Variants in CLASP1 observed in about 807,000 individuals in gnomAD.
CLASP1 encodes cytoplasmic linker associated protein 1, also known as CLIP-associating protein 1.
CLASP1 carries 38 observed loss-of-function variants against 192.3 expected under a neutral mutation model. The observed-to-expected ratio is 0.20, with a 90% CI of 0.15 to 0.26. The LOEUF (loss-of-function observed/expected upper bound fraction) is 0.26, where lower values mean the gene tolerates loss of function less well. Ranked by LOEUF, CLASP1 falls within the 10% of genes least tolerant of loss-of-function variation. The probability of loss-of-function intolerance (pLI) is 1.00; values close to 1 mark genes in which losing one functional copy is unlikely to be tolerated. For missense variants in CLASP1, 1,433 were observed against 1,932.5 expected (o/e 0.74, Z 4.85); for synonymous variants, 691 against 712.8 (o/e 0.97, Z 0.49).
At chr2:121,453,245 T>C (rs2085914800) in intron 14 of CLASP1, among the ~76,000 whole-genome samples, 1 of 152,094 alleles carries the variant, frequency 6.6e-6, no homozygotes, top group Admixed American at 6.5e-5. Context: ...CAATGAACTA[T>C]GATTGCACCA....
intron 2 of CLASP1, chr2:121,531,084 C>T (rs537888709): frequency 1.5e-5 from 10 of 671,230 alleles, no homozygotes; most frequent in African/African-American, 3.5e-5. Context: ...GTGGTTAAAC[C>T]AGTAGAGGGT....
intron 18 of CLASP1, 92 bp downstream of exon 18, chr2:121,448,184 C>T (rs2084728504): frequency 1.3e-5 from 14 of 1,061,646 alleles, no homozygotes; most frequent in East Asian, 7.1e-5. Context: ...GAGGGCAGGC[C>T]GTTGGCCTCC....
At chr2:121,628,061 C>T (rs2068717456) in intron 1 of CLASP1, among the ~76,000 whole-genome samples, 1 of 152,096 alleles carries the variant, frequency 6.6e-6, no homozygotes, top group African/African-American at 2.4e-5. Context: ...TAAGTTTATA[C>T]CTAACAAAAA....
intron 25 of CLASP1, 57 bp from the exon 27 acceptor site, chr2:121,404,491 G>C: frequency 2.8e-6 from 4 of 1,440,442 alleles, no homozygotes; most frequent in Non-Finnish European, 3.8e-6. Flanking sequence ...TTTTGAGACA[G>C]GGTCTCACTC....
intron 8 of CLASP1, among the ~76,000 whole-genome samples, chr2:121,482,973 T>C (rs2092704881): frequency 6.6e-6 from 1 of 152,178 alleles, no homozygotes; most frequent in South Asian, 2.1e-4. Flanking sequence ...CTTGCTAGGT[T>C]CGCAGAGCTG....
chr2:121,389,301 T>C (rs1216031215), intron 30 of CLASP1, among the ~76,000 whole-genome samples: 1 of 152,210 alleles, frequency 6.6e-6, no homozygotes, highest in Non-Finnish European at 1.5e-5. Flanking sequence ...TTATTATTAC[T>C]TGTACTAAAA....
At chr2:121,426,225 T>C (rs924400048) in intron 21 of CLASP1, among the ~76,000 whole-genome samples, 18 of 151,928 alleles carry the variant, frequency 1.2e-4, no homozygotes, top group African/African-American at 4.4e-4. Flanking sequence ...TTTTTAAAAG[T>C]CAAACAATAC....
chr2:121,358,507 A>G (rs1289328511), intron 37 of CLASP1, among the ~76,000 whole-genome samples: 2 of 152,154 alleles, frequency 1.3e-5, no homozygotes, highest in Non-Finnish European at 2.9e-5. Context: ...GAGGTCAGCT[A>G]GTGATTCTAA....
chr2:121,449,759 TATA>T (rs1256643431), intron 16 of CLASP1, among the ~76,000 whole-genome samples: 1 of 152,188 alleles, frequency 6.6e-6, no homozygotes, highest in African/African-American at 2.4e-5. Context: ...ACTTCATAGT[TATA>T]ATAAGCTCAG....
intron 1 of CLASP1, among the ~76,000 whole-genome samples, chr2:121,643,420 A>G (rs1373548828): frequency 1.3e-5 from 2 of 152,204 alleles, no homozygotes; most frequent in Non-Finnish European, 2.9e-5. Context: ...GCTGAGAGAC[A>G]GAAGGCCCAG....
chr2:121,466,922 G>A (rs2089700770), intron 9 of CLASP1, among the ~76,000 whole-genome samples: 1 of 152,140 alleles, frequency 6.6e-6, no homozygotes, highest in Admixed American at 6.5e-5. Context: ...CATCACCTAG[G>A]TATTAAGACC....
In CLASP1 at chr2:121,425,195, T is replaced by C. The variant is rs758471563; in HGVS notation, c.2156A>G (p.Lys719Arg). ...GCTACATCCCTGGCTCCTGGGAATCTTGCTTCGCTTTTCTGAAGACGGTGT... is the reference window on the plus strand; with the variant it reads ...GCTACATCCCTGGCTCCTGGGAATCCTGCTTCGCTTTTCTGAAGACGGTGT... Residue 719 changes from lysine to arginine, a missense_variant, in exon 22 of 40, where the codon AAG (lysine) becomes AGG (arginine). Physicochemically the swap from Lys to Arg is conservative, Grantham distance 26. Transcript: ENST00000263710. 5.0e-6 allele frequency: 8 copies of C among 1,613,338 alleles called. No homozygotes were observed. The South Asian group carries it at 7.7e-5, about 16-fold the overall frequency.
chr2:121,404,127 T>G (rs1347765855), intron 26 of CLASP1, among the ~76,000 whole-genome samples: 2 of 152,214 alleles, frequency 1.3e-5, no homozygotes, highest in African/African-American at 4.8e-5. Flanking sequence ...AGAAAGACCA[T>G]CTGATTCTCT....
chr2:121,427,343 G>T, intron 21 of CLASP1, 61 bp downstream of exon 21: 8 of 1,573,764 alleles, frequency 5.1e-6, no homozygotes, highest in African/African-American at 1.4e-5. Flanking sequence ...AAGGAACATG[G>T]GGTCGGGGAG....
chr2:121,605,706 A>G, exon 2 of CLASP1: 1 of 1,613,622 alleles, frequency 6.2e-7, no homozygotes, highest in Non-Finnish European at 8.5e-7. Flanking sequence ...CTTACCTTGT[A>G]ATTGCTAGAG....
intron 34 of CLASP1, among the ~76,000 whole-genome samples, chr2:121,373,386 G>A (rs1400693673): frequency 1.3e-5 from 2 of 152,142 alleles, no homozygotes; most frequent in African/African-American, 2.4e-5. Flanking sequence ...CCCAGTCTCA[G>A]GTAGTTCTTT....
chr2:121,620,977 C>T (rs778348868), intron 1 of CLASP1, among the ~76,000 whole-genome samples: 5 of 152,058 alleles, frequency 3.3e-5, no homozygotes, highest in African/African-American at 4.8e-5. Context: ...CCTGTAATCC[C>T]GGCAGCTTTG....
At chr2:121,603,409 A>C (rs1576390172) in intron 2 of CLASP1, among the ~76,000 whole-genome samples, 1 of 152,212 alleles carries the variant, frequency 6.6e-6, no homozygotes, top group Non-Finnish European at 1.5e-5. Flanking sequence ...GCTATTATCA[A>C]AAAGACAAAA....
At chr2:121,639,869 A>C (rs1442310261) in intron 1 of CLASP1, among the ~76,000 whole-genome samples, 2 of 151,742 alleles carry the variant, frequency 1.3e-5, no homozygotes, top group Non-Finnish European at 2.9e-5. Flanking sequence ...ATCTCAAAAA[A>C]AAAAAAAAAA....
Sources: allele counts gnomAD v4.1 joint callset (sites outside exome capture counted in the v4.1 genomes callset), GRCh38; gene constraint gnomAD v4.1.1; transcripts MANE v1.5; gene names NCBI Gene and HGNC (gene_info 2026-07-23, HGNC 2026-07-21).